THUMPD3: variants seen among roughly 807,000 people sequenced by gnomAD.
THUMPD3 encodes THUMP domain 3 tRNA guanosine methyltransferase.
In THUMPD3, 44 loss-of-function variants were observed where a neutral mutation model predicts 54.5. The ratio of observed to expected loss-of-function variants is 0.81; its 90% CI spans 0.63 to 1.04. The LOEUF is 1.04. THUMPD3 is among the 50% of genes least tolerant of loss of function. THUMPD3 has a pLI of 0.00. For synonymous variants in THUMPD3, 196 were observed against 201.4 expected, an observed-to-expected ratio of 0.97 and a Z score of 0.23; for missense variants, 604 against 601.3, an observed-to-expected ratio of 1.00 and a Z score of -0.05.
chr3:9,379,576 G>T (rs1186151337), intron 6 of THUMPD3, among the ~76,000 whole-genome samples: 2 of 152,144 alleles, frequency 1.3e-5, no homozygotes, highest in Admixed American at 1.3e-4. Context: ...TTCCACAAAT[G>T]ACATGTGACA....
chr3:9,370,952 G>A, intron 3 of THUMPD3, 108 bp from the exon 4 acceptor site: 1 of 952,122 alleles, frequency 1.1e-6, no homozygotes, highest in Non-Finnish European at 1.6e-6. Context: ...TGGCGGTCCT[G>A]GAACCAGTGT....
intron 4 of THUMPD3, among the ~76,000 whole-genome samples, chr3:9,372,771 A>T (rs560801752): frequency 6.6e-6 from 1 of 152,260 alleles, no homozygotes; most frequent in Admixed American, 6.5e-5. Flanking sequence ...TTGACATGTG[A>T]ACCATAGGAA....
At chr3:9,364,341 TTTTA>T (rs943658425) in intron 1 of THUMPD3, among the ~76,000 whole-genome samples, 10 of 151,220 alleles carry the variant, frequency 6.6e-5, no homozygotes, top group East Asian at 1.9e-4. Context: ...TTATTATTTA[TTTTA>T]TTTATTTATT....
chr3:9,371,005 T>G (rs1025578694), intron 3 of THUMPD3, 55 bp from the exon 4 acceptor site: 2 of 1,390,790 alleles, frequency 1.4e-6, no homozygotes, highest in Middle Eastern at 2.6e-4. Context: ...TAGAGGTTTA[T>G]TTGTTTGATT....
chr3:9,367,990 G>A (rs999083884), intron 3 of THUMPD3, among the ~76,000 whole-genome samples: 3 of 152,166 alleles, frequency 2.0e-5, no homozygotes, highest in East Asian at 3.9e-4. Flanking sequence ...GCGTGAACCC[G>A]GGAGGCGGAG....
intron 5 of THUMPD3, among the ~76,000 whole-genome samples, chr3:9,375,052 T>G (rs949316114): frequency 6.6e-6 from 1 of 152,128 alleles, no homozygotes; most frequent in African/African-American, 2.4e-5. Context: ...AGACGACATT[T>G]CACTATGTTG....
Position 9,383,118 on chromosome 3 carries a change from AGT to A in THUMPD3, c.1125-80_1125-79del, listed in dbSNP as rs1351278241. The A allele has an allele frequency of 8.2e-6, 7 of 854,644 alleles. No individual in the cohort carries two copies. The African/African-American group carries it at 1.2e-4, about 14-fold the overall frequency. 52.9% of individuals were successfully genotyped at this position (854,644 alleles called of 1,614,324 possible). On this transcript the variant is annotated intron_variant, in intron 7 of 9. Transcript: ENST00000452837. ...TTAGCAGTTTATGTTTTGCTGTAGC[AGT>A]CTCTCTTCAGAAACAAAAATTGTTG...
intron 8 of THUMPD3, among the ~76,000 whole-genome samples, chr3:9,383,641 G>C (rs1236216721): frequency 7.4e-6 from 1 of 135,972 alleles, no homozygotes; most frequent in Admixed American, 7.6e-5. Flanking sequence ...TTTTTTTTTT[G>C]GAGACAGAGC....
At chr3:9,373,473 C>T (rs939249130) in intron 4 of THUMPD3, among the ~76,000 whole-genome samples, 10 of 151,822 alleles carry the variant, frequency 6.6e-5, no homozygotes, top group African/African-American at 2.2e-4. Flanking sequence ...CAATCCTGGG[C>T]GACAGAGTGA....
At position 9,363,952 on chromosome 3, in the gene THUMPD3, G is replaced by A. The variant is rs3928602; in HGVS notation, c.-54+825G>A. The A allele has an allele frequency of 0.03, 4,555 of 151,492 alleles. 312 individuals carry two copies. In the East Asian group the frequency reaches 0.32, roughly 11 times the overall value. The allele number at this position is 151,492 out of a possible 1,614,324, so 9.4% of individuals were successfully genotyped here. Reference sequence around the variant, plus strand: ...TTTTTTGTGTTTTTGGTAGAGATGAGATTTTGCCATCTTACGCAGATTGGT... The same window carrying A: ...TTTTTTGTGTTTTTGGTAGAGATGAAATTTTGCCATCTTACGCAGATTGGT... On this transcript the variant is annotated intron_variant, in intron 1 of 9. Transcript: ENST00000452837.
intron 7 of THUMPD3, among the ~76,000 whole-genome samples, chr3:9,381,805 A>C (rs1457277723): frequency 4.5e-5 from 4 of 88,786 alleles, no homozygotes; most frequent in Admixed American, 3.9e-4. Flanking sequence ...TTTGAGACGG[A>C]GTCTCACTCT....
chr3:9,363,309 C>G (rs1157049734), intron 1 of THUMPD3, 182 bp downstream of exon 1: 1 of 152,214 alleles, frequency 6.6e-6, no homozygotes, highest in Non-Finnish European at 1.5e-5. Context: ...GATTCCCGGG[C>G]CCTGTAGGTG....
At chr3:9,368,988 A>T (rs983910836) in intron 3 of THUMPD3, among the ~76,000 whole-genome samples, 1 of 152,126 alleles carries the variant, frequency 6.6e-6, no homozygotes, top group Non-Finnish European at 1.5e-5. Context: ...CGGGACCAGA[A>T]ATGTTTTGGA....
intron 4 of THUMPD3, among the ~76,000 whole-genome samples, chr3:9,372,914 C>G (rs2032174343): frequency 1.3e-5 from 2 of 152,080 alleles, no homozygotes; most frequent in Non-Finnish European, 2.9e-5. Flanking sequence ...TTGTGCATGT[C>G]AAATCAGGAG....
At position 9,383,273 on chromosome 3, in the gene THUMPD3, T is replaced by G; in HGVS notation, c.1199T>G (p.Val400Gly). The G allele has an allele frequency of 6.2e-7, 1 of 1,614,006 alleles. No individual in the cohort carries two copies. Among genetic ancestry groups the G allele is most frequent in the African/African-American group, 1.3e-5 (1 of 75,070 alleles). Residue 400 changes from valine (V) to glycine (G), a missense_variant, in exon 8 of 10, where the codon GTG (valine) becomes GGG (glycine). Physicochemically the swap from Val to Gly is moderately radical, Grantham distance 109. Coordinates refer to ENST00000452837, the MANE Select transcript of THUMPD3 (RefSeq NM_001114092.2). ...AATCTGCCATTGAGAACTGGCTCTG[T>G]GGATATTATTGTAACAGATTTGCCA... Reference protein sequence around the residue: ...ICNLPLRTGSVDIIVTDLPFG... With the variant: ...ICNLPLRTGSGDIIVTDLPFG...
intron 4 of THUMPD3, among the ~76,000 whole-genome samples, chr3:9,374,314 T>A (rs1669101544): frequency 1.3e-5 from 2 of 152,212 alleles, no homozygotes; most frequent in Admixed American, 1.3e-4. Context: ...ATGTCTTAAC[T>A]TTTTAGACAG....
chr3:9,366,584 C>G (rs2031582437), intron 2 of THUMPD3, among the ~76,000 whole-genome samples: 2 of 152,202 alleles, frequency 1.3e-5, no homozygotes, highest in Non-Finnish European at 2.9e-5. Flanking sequence ...TTGCAGCATA[C>G]AGTGTACCCT....
At chr3:9,367,904 A>C (rs919218088) in intron 3 of THUMPD3, among the ~76,000 whole-genome samples, 2 of 152,050 alleles carry the variant, frequency 1.3e-5, no homozygotes, top group Non-Finnish European at 2.9e-5. Context: ...TCTCTACTAA[A>C]AATATAAAAA....
At chr3:9,377,370 T>TTTTA (rs759239291) in intron 5 of THUMPD3, among the ~76,000 whole-genome samples, 4 of 152,100 alleles carry the variant, frequency 2.6e-5, no homozygotes, top group African/African-American at 4.8e-5. Context: ...TATAAATTGA[T>TTTTA]TTTATTTATT....
Sources: allele counts gnomAD v4.1 joint callset (sites outside exome capture counted in the v4.1 genomes callset), GRCh38; gene constraint gnomAD v4.1.1; transcripts MANE v1.5; gene names NCBI Gene and HGNC (gene_info 2026-07-23, HGNC 2026-07-21).